The following RPRD1A variants were observed in gnomAD, a reference collection of about 807,000 sequenced individuals.
RPRD1A encodes regulation of nuclear pre-mRNA domain-containing protein 1A.
In RPRD1A, 9 loss-of-function variants were observed where a neutral mutation model predicts 37.8. The ratio of observed to expected loss-of-function variants is 0.24; its 90% CI spans 0.14 to 0.42. The LOEUF (loss-of-function observed/expected upper bound fraction) is 0.42. Ranked by LOEUF, RPRD1A falls within the 10% of genes least tolerant of loss-of-function variation. RPRD1A has a pLI of 1.00. For synonymous variants in RPRD1A, 138 were observed against 139.7 expected (o/e 0.99, Z 0.08); for missense variants, 255 against 371.0 (o/e 0.69, Z 2.57).
intron 1 of RPRD1A, among the ~76,000 whole-genome samples, chr18:36,065,012 C>G (rs948057343): frequency 6.6e-6 from 1 of 151,980 alleles, no homozygotes; most frequent in Non-Finnish European, 1.5e-5. Context: ...ACTCCTGAAG[C>G]CAGCGAGACC....
intron 2 of RPRD1A, among the ~76,000 whole-genome samples, chr18:36,032,918 A>C (rs1428310326): frequency 6.6e-6 from 1 of 152,224 alleles, no homozygotes; most frequent in East Asian, 1.9e-4. Context: ...GAACAAAAAA[A>C]AATCTGGACT....
intron 1 of RPRD1A, among the ~76,000 whole-genome samples, chr18:36,057,507 G>A (rs1457656697): frequency 6.6e-6 from 1 of 152,178 alleles, no homozygotes; most frequent in Non-Finnish European, 1.5e-5. Flanking sequence ...CAGTACTCAG[G>A]GGGCTGAAGT....
chr18:36,059,560 T>A (rs141186704), intron 1 of RPRD1A, among the ~76,000 whole-genome samples: 2 of 152,328 alleles, frequency 1.3e-5, no homozygotes, highest in Admixed American at 6.5e-5. Flanking sequence ...TAGCGGTAGA[T>A]ATAACCCACA....
chr18:36,038,332 C>A (rs755624346), intron 1 of RPRD1A, among the ~76,000 whole-genome samples: 2 of 152,224 alleles, frequency 1.3e-5, no homozygotes, highest in Non-Finnish European at 2.9e-5. Flanking sequence ...CCAGCTCTAG[C>A]CATGGCTAAA....
chr18:36,006,117 A>C (rs1399858659), intron 6 of RPRD1A, among the ~76,000 whole-genome samples: 2 of 152,204 alleles, frequency 1.3e-5, no homozygotes, highest in African/African-American at 4.8e-5. Context: ...CACAGAGCTA[A>C]TGCTAAATAA....
At chr18:36,048,078 T>C (rs1913089188) in intron 1 of RPRD1A, among the ~76,000 whole-genome samples, 5 of 150,082 alleles carry the variant, frequency 3.3e-5, no homozygotes, top group Admixed American at 2.6e-4. Context: ...TTTTTTTTTT[T>C]TTTTTTTGAG....
rs1028639039 is a variant in RPRD1A, at chr18:36,054,900, A to C, written c.151+12354T>G. Among the ~76,000 whole-genome samples the C allele has an allele frequency of 3.3e-5, 5 of 152,334 alleles. 1 individual carries two copies. The South Asian group carries it at 1.0e-3, about 32-fold the overall frequency. On this transcript the variant is annotated intron_variant, in intron 1 of 6. Coordinates refer to ENST00000399022, the MANE Select transcript of RPRD1A (RefSeq NM_018170.5). Reference sequence around the variant, plus strand: ...TCCCAGCTCAAAGGCAGTCAGCAGAAGTTCTCTCTTATTCACTGAAGAATC... The same window carrying C: ...TCCCAGCTCAAAGGCAGTCAGCAGACGTTCTCTCTTATTCACTGAAGAATC...
intron 6 of RPRD1A, 115 bp from the exon 7 acceptor site, chr18:35,993,415 G>A: frequency 1.0e-6 from 1 of 981,146 alleles, no homozygotes; most frequent in Non-Finnish European, 1.4e-6. Context: ...TATTTAAAAA[G>A]GTTATTCCAG....
At chr18:36,056,325 T>C (rs1568151628) in intron 1 of RPRD1A, among the ~76,000 whole-genome samples, 1 of 151,934 alleles carries the variant, frequency 6.6e-6, no homozygotes, top group Non-Finnish European at 1.5e-5. Flanking sequence ...TCTTGCTTTG[T>C]CTCCCAGGCT....
intron 1 of RPRD1A, among the ~76,000 whole-genome samples, chr18:36,054,494 ATAAG>A (rs112541496): frequency 7.2e-5 from 11 of 152,200 alleles, no homozygotes; most frequent in African/African-American, 1.4e-4. Context: ...CCATCTCAAA[ATAAG>A]TAAGTAAGTA....
intron 6 of RPRD1A, among the ~76,000 whole-genome samples, chr18:35,998,728 A>G (rs995174185): frequency 2.0e-5 from 3 of 152,212 alleles, no homozygotes; most frequent in Non-Finnish European, 4.4e-5. Flanking sequence ...ACTTTGCCTA[A>G]AACTCTTCCC....
intron 2 of RPRD1A, among the ~76,000 whole-genome samples, chr18:36,032,154 C>T (rs1332969724): frequency 6.6e-6 from 1 of 152,122 alleles, no homozygotes; most frequent in African/African-American, 2.4e-5. Context: ...TCCTTCCCTG[C>T]TTTGTATTTC....
At position 35,990,396 on chromosome 18, in the gene RPRD1A, A is replaced by C. The variant is rs757893264; in HGVS notation, c.*2755T>G. 6.6e-6 allele frequency: 1 copy of C among 152,216 alleles called. No individual in the cohort carries two copies. The highest frequency in any genetic ancestry group is 2.4e-5 in the African/African-American group (1 of 41,460). The allele number at this position is 152,216 out of a possible 1,614,324, so 9.4% of individuals were successfully genotyped here. The stretch of plus-strand genomic sequence containing the variant: ...TTTTGCTGATTCTGAAAGATTTCTT[A>C]TAGAAAAACCCTGATTCAGAGTGCA... On this transcript the variant is annotated 3_prime_UTR_variant, in exon 7 of 7. Coordinates refer to ENST00000399022, the MANE Select transcript of RPRD1A (RefSeq NM_018170.5).
At chr18:36,020,321 A>G (rs1199513715) in intron 6 of RPRD1A, among the ~76,000 whole-genome samples, 1 of 152,162 alleles carries the variant, frequency 6.6e-6, no homozygotes, top group Non-Finnish European at 1.5e-5. Flanking sequence ...GCATCTAGGG[A>G]CCCAAATCAC....
chr18:36,040,590 G>A (rs774973713), intron 1 of RPRD1A, among the ~76,000 whole-genome samples: 1 of 152,128 alleles, frequency 6.6e-6, no homozygotes, highest in East Asian at 1.9e-4. Context: ...CCTGAGGTAC[G>A]TCATGAAATC....
intron 6 of RPRD1A, among the ~76,000 whole-genome samples, chr18:35,996,565 G>C (rs1293301148): frequency 2.6e-5 from 4 of 152,088 alleles, no homozygotes; most frequent in African/African-American, 9.7e-5. Flanking sequence ...TAAATTAATA[G>C]ATCTTAGTTA....
intron 1 of RPRD1A, among the ~76,000 whole-genome samples, chr18:36,047,897 T>G (rs1364841791): frequency 6.6e-6 from 1 of 152,026 alleles, no homozygotes; most frequent in African/African-American, 2.4e-5. Flanking sequence ...TACCAAATGT[T>G]TAAAGAATCT....
At chr18:35,999,102 T>C (rs72883030) in intron 6 of RPRD1A, among the ~76,000 whole-genome samples, 1 of 152,364 alleles carries the variant, frequency 6.6e-6, no homozygotes, top group Non-Finnish European at 1.5e-5. Flanking sequence ...AAGTTATTTC[T>C]GAATTACTAC....
rs137876214 is a variant in RPRD1A, at chr18:36,021,320, GTC to G, written c.789+5578_789+5579del. On this transcript the variant is annotated intron_variant, in intron 6 of 6. Coordinates refer to ENST00000399022, the MANE Select transcript of RPRD1A (RefSeq NM_018170.5). ...CCCAACAGCATGTGCTCACTTAAGTGTCTGTCAAATTTTGGTATTTCTTGTGC... is the reference window on the plus strand; with the variant it reads ...CCCAACAGCATGTGCTCACTTAAGTGTGTCAAATTTTGGTATTTCTTGTGC... Among the ~76,000 whole-genome samples, 1,512 of 151,732 alleles carry G rather than the reference GTC, an allele frequency of 1.0e-2. 13 individuals are homozygous for G. The highest frequency in any genetic ancestry group is 0.016 in the Non-Finnish European group (1,055 of 68,024).
Sources: gnomAD v4.1 joint callset for allele counts (sites outside exome capture counted in the v4.1 genomes callset) on GRCh38, gnomAD v4.1.1 for gene constraint, MANE v1.5 for transcripts, NCBI Gene and HGNC (gene_info 2026-07-23, HGNC 2026-07-21) for gene names.